Variants in SRL observed in about 807,000 individuals in gnomAD.
SRL encodes the protein sarcalumenin.
Under a neutral mutation model 39.5 loss-of-function variants are expected in SRL, and 23 were observed. That is an observed-to-expected ratio of 0.58 (90% CI 0.42 to 0.82). SRL has a LOEUF of 0.82. SRL is among the 40% of genes least tolerant of loss of function. The probability of loss-of-function intolerance (pLI) is 0.00; values close to 1 mark genes in which losing one functional copy is unlikely to be tolerated. For missense variants in SRL, 592 were observed against 607.8 expected (o/e 0.97, Z 0.27); for synonymous variants, 272 against 237.4 (o/e 1.15, Z -1.34).
At chr16:4,209,842 GCC>G (rs2052371127) in intron 1 of SRL, among the ~76,000 whole-genome samples, 1 of 152,154 alleles carries the variant, frequency 6.6e-6, no homozygotes, top group Non-Finnish European at 1.5e-5. Context: ...TCTTTGCCCT[GCC>G]CTAGATACAT....
chr16:4,218,621 G>T (rs1184839762), intron 1 of SRL, among the ~76,000 whole-genome samples: 1 of 152,192 alleles, frequency 6.6e-6, no homozygotes, highest in Non-Finnish European at 1.5e-5. Context: ...AGGCCCGCTG[G>T]ACCACGTGGG....
intron 1 of SRL, among the ~76,000 whole-genome samples, chr16:4,223,352 G>A (rs968415221): frequency 2.0e-5 from 3 of 150,970 alleles, no homozygotes. Context: ...CAGAACAAAG[G>A]AGTGGGCAGG....
intron 1 of SRL, among the ~76,000 whole-genome samples, chr16:4,227,918 G>C (rs941381118): frequency 6.6e-6 from 1 of 152,162 alleles, no homozygotes; most frequent in Non-Finnish European, 1.5e-5. Flanking sequence ...CTAACTTCAG[G>C]GCAGCTCCTG....
intron 1 of SRL, among the ~76,000 whole-genome samples, chr16:4,233,344 G>C (rs949617693): frequency 6.6e-6 from 1 of 152,152 alleles, no homozygotes; most frequent in Non-Finnish European, 1.5e-5. Flanking sequence ...TCATTCATTA[G>C]ACCTTGTTGA....
At position 4,192,824 on chromosome 16, in the gene SRL, T is replaced by C. The variant is rs764753356; in HGVS notation, c.751A>G (p.Arg251Gly). 1 of 1,614,204 alleles carries C rather than the reference T, an allele frequency of 6.2e-7. No individual in the cohort carries two copies. Among genetic ancestry groups the C allele is most frequent in the Non-Finnish European group, 8.5e-7 (1 of 1,180,036 alleles). Residue 251 changes from arginine to glycine, a missense_variant, in exon 6 of 6, where the codon AGG becomes GGG. Transcript: ENST00000399609. The surrounding 1 kb of genome is among the most constrained non-coding windows in gnomAD (Gnocchi z 4.0). Reference protein sequence around the residue: ...RQLKGRESQIRIILNKADNLA... With the variant: ...RQLKGRESQIGIILNKADNLA... ...TTGTCAGCCTTGTTCAGGATGATCCTTATCTGGGATTCACGCCCCTTCAAC... is the reference window on the plus strand; with the variant it reads ...TTGTCAGCCTTGTTCAGGATGATCCCTATCTGGGATTCACGCCCCTTCAAC...
chr16:4,219,464 C>CT (rs1357170362), intron 1 of SRL, among the ~76,000 whole-genome samples: 6 of 151,272 alleles, frequency 4.0e-5, no homozygotes, highest in African/African-American at 1.5e-4. Context: ...CTGAGCACAG[C>CT]TTTTTTTTTG....
At chr16:4,196,724 C>T (rs991675997) in intron 4 of SRL, among the ~76,000 whole-genome samples, 1 of 152,088 alleles carries the variant, frequency 6.6e-6, no homozygotes, top group Non-Finnish European at 1.5e-5. Context: ...TGTGATCAAC[C>T]CACCTCGGCC....
intron 1 of SRL, among the ~76,000 whole-genome samples, chr16:4,239,233 T>C (rs2052745712): frequency 1.3e-5 from 2 of 152,214 alleles, no homozygotes; most frequent in Admixed American, 1.3e-4. Flanking sequence ...TGACCGTCAC[T>C]GCACCCTTGT....
chr16:4,212,225 G>A (rs373445990), intron 1 of SRL, among the ~76,000 whole-genome samples: 1 of 152,212 alleles, frequency 6.6e-6, no homozygotes, highest in African/African-American at 2.4e-5. Context: ...GGAGTAAAAA[G>A]GACTGAGGAT....
At chr16:4,200,850 C>T (rs779580549) in intron 3 of SRL, among the ~76,000 whole-genome samples, 14 of 152,148 alleles carry the variant, frequency 9.2e-5, no homozygotes, top group South Asian at 4.1e-4. Flanking sequence ...AGAATACAAA[C>T]CCTATTACAC....
intron 1 of SRL, among the ~76,000 whole-genome samples, chr16:4,220,122 C>G (rs2052505321): frequency 6.6e-6 from 1 of 152,100 alleles, no homozygotes; most frequent in African/African-American, 2.4e-5. Context: ...GTCCAGAACA[C>G]CCAGCCACCC....
chr16:4,228,459 G>C (rs1567188836), intron 1 of SRL, among the ~76,000 whole-genome samples: 2 of 151,928 alleles, frequency 1.3e-5, no homozygotes, highest in East Asian at 3.9e-4. Flanking sequence ...AAAAAGGCTG[G>C]ACGCAGTGGC....
chr16:4,241,361 G>C (rs1015185907), intron 1 of SRL, among the ~76,000 whole-genome samples: 8 of 152,148 alleles, frequency 5.3e-5, no homozygotes, highest in Non-Finnish European at 1.2e-4. Context: ...TCAGCACACA[G>C]AGCCAAGCCC....
chr16:4,210,486 C>CTTT (rs555999418), intron 1 of SRL, among the ~76,000 whole-genome samples: 1,398 of 103,866 alleles, frequency 0.013, 161 homozygotes, highest in African/African-American at 0.049. Flanking sequence ...TTACTCATAT[C>CTTT]TTTTTTTTTT....
At chr16:4,228,940 T>C (rs905446699) in intron 1 of SRL, among the ~76,000 whole-genome samples, 5 of 151,996 alleles carry the variant, frequency 3.3e-5, no homozygotes, top group Non-Finnish European at 7.4e-5. Flanking sequence ...CACAGCCTTC[T>C]AGTGGGGGAC....
intron 1 of SRL, among the ~76,000 whole-genome samples, chr16:4,236,967 G>T (rs1193127418): frequency 2.1e-5 from 3 of 143,496 alleles, no homozygotes; most frequent in African/African-American, 7.8e-5. Context: ...TTTGAGACAA[G>T]GTCTCACTCA....
intron 3 of SRL, among the ~76,000 whole-genome samples, chr16:4,199,485 C>T (rs541986671): frequency 6.7e-6 from 1 of 150,336 alleles, no homozygotes; most frequent in South Asian, 2.1e-4. Flanking sequence ...ATCCTCCCAC[C>T]TCAGCCTCCT....
intron 1 of SRL, among the ~76,000 whole-genome samples, chr16:4,231,278 T>C (rs1384911438): frequency 6.6e-6 from 1 of 152,190 alleles, no homozygotes. Context: ...ATTGCACCAC[T>C]GCACTCCAGC....
intron 3 of SRL, among the ~76,000 whole-genome samples, chr16:4,202,676 G>C (rs942972571): frequency 6.6e-6 from 1 of 151,866 alleles, no homozygotes; most frequent in Non-Finnish European, 1.5e-5. Context: ...TTTGCAACAA[G>C]TGTGTCTTAT....
Sources: gnomAD v4.1 joint callset for allele counts (sites outside exome capture counted in the v4.1 genomes callset) on GRCh38, gnomAD v4.1.1 for gene constraint, Gnocchi (gnomAD v3.1) non-coding constraint, MANE v1.5 for transcripts, NCBI Gene and HGNC (gene_info 2026-07-23, HGNC 2026-07-21) for gene names.